The following CUBN variants were observed in gnomAD, a reference collection of about 807,000 sequenced individuals.
CUBN encodes cubilin.
Under a neutral mutation model 405.3 loss-of-function variants are expected in CUBN, and 282 were observed. The observed-to-expected ratio is 0.70, with a 90% CI of 0.63 to 0.77. CUBN has a LOEUF of 0.77. CUBN is among the 30% of genes least tolerant of loss of function. The pLI is 0.00. For synonymous variants in CUBN, 1,684 were observed against 1,617.0 expected (o/e 1.04, Z -0.99); for missense variants, 4,514 against 4,475.2 (o/e 1.01, Z -0.25).
At chr10:17,106,594 T>A (rs1457684706) in intron 10 of CUBN, among the ~76,000 whole-genome samples, 1 of 89,596 alleles carries the variant, frequency 1.1e-5, no homozygotes, top group Non-Finnish European at 2.2e-5. Flanking sequence ...CAAAACGCCA[T>A]CTCAAAAAAA....
chr10:17,113,030 C>T (rs1836806188), intron 8 of CUBN, among the ~76,000 whole-genome samples: 1 of 152,088 alleles, frequency 6.6e-6, no homozygotes. Flanking sequence ...GTTTTGGAGG[C>T]CAGGGCAGGC....
intron 28 of CUBN, among the ~76,000 whole-genome samples, chr10:17,013,922 G>T (rs1295687654): frequency 1.3e-5 from 2 of 152,168 alleles, no homozygotes; most frequent in South Asian, 2.1e-4. Context: ...ATCATCTCAG[G>T]CTGCATAAAT....
At chr10:17,116,453 C>T (rs1245886014) in intron 6 of CUBN, among the ~76,000 whole-genome samples, 3 of 152,128 alleles carry the variant, frequency 2.0e-5, no homozygotes, top group Admixed American at 6.5e-5. Context: ...GGGCCAGGCC[C>T]AGAGGTTGCC....
chr10:16,952,138 C>T (rs1842936789), intron 33 of CUBN, 138 bp downstream of exon 33: 3 of 690,124 alleles, frequency 4.3e-6, no homozygotes, highest in Non-Finnish European at 8.1e-6. Flanking sequence ...TTAAGCACAT[C>T]AGGAATTGGG....
Position 16,824,290 on chromosome 10 carries a change from C to G in CUBN, c.*685G>C, listed in dbSNP as rs1838708171. The G allele has an allele frequency of 2.0e-5, 3 of 152,192 alleles. 1 individual carries two copies. The highest frequency in any genetic ancestry group is 2.0e-4 in the Admixed American group (3 of 15,268). The allele number at this position is 152,192 out of a possible 1,614,324, so 9.4% of individuals were successfully genotyped here. Reference sequence around the variant, plus strand: ...CTGGTCTCAAACTCCTAGGTTCAAGCAATCCTCCCATCATGGCCTCCCAGC... The same window carrying G: ...CTGGTCTCAAACTCCTAGGTTCAAGGAATCCTCCCATCATGGCCTCCCAGC... On this transcript the variant is annotated 3_prime_UTR_variant, in exon 67 of 67. Transcript: ENST00000377833.
intron 59 of CUBN, among the ~76,000 whole-genome samples, chr10:16,862,788 T>G (rs896142791): frequency 3.3e-5 from 5 of 152,232 alleles, no homozygotes; most frequent in Non-Finnish European, 7.3e-5. Context: ...ACCAGTTACC[T>G]GCGACAAAAC....
intron 54 of CUBN, among the ~76,000 whole-genome samples, chr10:16,897,503 A>C (rs1407648697): frequency 6.6e-6 from 1 of 152,034 alleles, no homozygotes; most frequent in African/African-American, 2.4e-5. Flanking sequence ...ATTTTCCCCT[A>C]CCAATACCCC....
At chr10:17,044,922 C>G (rs1433907536) in intron 25 of CUBN, 85 bp downstream of exon 25, 1 of 1,336,642 alleles carries the variant, frequency 7.5e-7, no homozygotes, top group African/African-American at 1.4e-5. Context: ...GCTCCCCTTT[C>G]CTGAATCTCG....
At chr10:16,994,517 A>G (rs1453297338) in intron 28 of CUBN, among the ~76,000 whole-genome samples, 2 of 152,202 alleles carry the variant, frequency 1.3e-5, no homozygotes, top group African/African-American at 4.8e-5. Flanking sequence ...TGGATGCATG[A>G]CAAAGGGATA....
intron 24 of CUBN, 144 bp from the exon 25 acceptor site, chr10:17,045,332 C>G: frequency 1.3e-6 from 1 of 773,672 alleles, no homozygotes; most frequent in Non-Finnish European, 2.1e-6. Context: ...GTAGTTATAG[C>G]CTAAAAATCC....
intron 62 of CUBN, among the ~76,000 whole-genome samples, chr10:16,837,179 C>G (rs1839198010): frequency 6.6e-6 from 1 of 152,012 alleles, no homozygotes. Flanking sequence ...CACTGTCAGT[C>G]ATTCTCGGTA....
At chr10:17,127,730 A>C in intron 3 of CUBN, 99 bp downstream of exon 3, 1 of 794,250 alleles carries the variant, frequency 1.3e-6, no homozygotes, top group South Asian at 1.6e-5. Context: ...TAAATCTCTA[A>C]AGAGCACACA....
intron 31 of CUBN, among the ~76,000 whole-genome samples, chr10:16,976,990 A>G (rs527869623): frequency 1.3e-5 from 2 of 152,276 alleles, no homozygotes; most frequent in South Asian, 4.2e-4. Context: ...TTTTATTTCC[A>G]TGAGTTGAGT....
intron 59 of CUBN, among the ~76,000 whole-genome samples, chr10:16,861,907 T>A (rs931132681): frequency 1.3e-5 from 2 of 152,072 alleles, no homozygotes; most frequent in African/African-American, 2.4e-5. Flanking sequence ...TCCCAGCACT[T>A]TGGGAGCCTG....
chr10:16,937,879 TATC>T (rs1417388655), intron 38 of CUBN, 95 bp from the exon 39 acceptor site: 6 of 1,142,468 alleles, frequency 5.3e-6, no homozygotes, highest in African/African-American at 1.6e-5. Context: ...ATTACAATGT[TATC>T]ATAACAAAAA....
intron 17 of CUBN, among the ~76,000 whole-genome samples, chr10:17,072,382 A>T (rs1022077144): frequency 6.6e-6 from 1 of 152,174 alleles, no homozygotes; most frequent in South Asian, 2.1e-4. Flanking sequence ...AAAAGGAAAA[A>T]AAAGAAAAGT....
chr10:17,036,556 C>T (rs1834905126), intron 27 of CUBN, among the ~76,000 whole-genome samples: 1 of 152,036 alleles, frequency 6.6e-6, no homozygotes, highest in Non-Finnish European at 1.5e-5. Context: ...GTTTCGGTGC[C>T]ACCACCAAGA....
At chr10:16,952,219 C>T in intron 33 of CUBN, 57 bp downstream of exon 33, 1 of 1,281,368 alleles carries the variant, frequency 7.8e-7, no homozygotes, top group African/African-American at 1.5e-5. Context: ...ATAGACTGAC[C>T]TTCCCACAGA....
intron 29 of CUBN, 111 bp downstream of exon 29, chr10:16,990,223 C>G: frequency 9.7e-7 from 1 of 1,029,638 alleles, no homozygotes; most frequent in Non-Finnish European, 1.5e-6. Flanking sequence ...ATTAAAATGT[C>G]TAAGAATAGA....
Sources: gnomAD v4.1 joint callset for allele counts (sites outside exome capture counted in the v4.1 genomes callset) on GRCh38, gnomAD v4.1.1 for gene constraint, MANE v1.5 for transcripts, NCBI Gene and HGNC (gene_info 2026-07-23, HGNC 2026-07-21) for gene names.